The following ASIC2 variants were observed in gnomAD, a reference collection of about 807,000 sequenced individuals.
ASIC2 encodes the protein acid sensing ion channel subunit 2.
In ASIC2, 25 loss-of-function variants were observed where a neutral mutation model predicts 57.3. The observed-to-expected ratio is 0.44, with a 90% CI of 0.32 to 0.61. The LOEUF (loss-of-function observed/expected upper bound fraction) is 0.61. Among genes scored for constraint, ASIC2 ranks in the 20% least tolerant of loss-of-function variants. The probability of loss-of-function intolerance (pLI) is 0.06; values close to 1 mark genes in which losing one functional copy is unlikely to be tolerated. For missense variants in ASIC2, 641 were observed against 738.1 expected, an observed-to-expected ratio of 0.87 and a Z score of 1.52; for synonymous variants, 319 against 307.5, an observed-to-expected ratio of 1.04 and a Z score of -0.39.
intron 1 of ASIC2, among the ~76,000 whole-genome samples, chr17:33,120,300 C>G (rs1392141894): frequency 6.6e-6 from 1 of 152,206 alleles, no homozygotes; most frequent in African/African-American, 2.4e-5. Flanking sequence ...GGGGCCTTTT[C>G]TGCTGGGCAG....
rs759819577 is a variant in ASIC2 at position 33,291,606 on chromosome 17, A to T, written c.510T>A (p.Leu170=). The change falls in exon 1 of 10, where the codon CTT becomes CTA. Residue 170 remains leucine (L), a synonymous_variant. Coordinates refer to ENST00000225823, the MANE Select transcript of ASIC2 (RefSeq NM_183377.2). ...LLLPNRTARP[L]VSELLRGDEP... is the part of the protein sequence containing the mutation. Reference sequence around the variant, plus strand: ...CGTCGCCCCGCAGCAGCTCGCTGACAAGCGGGCGCGCGGTGCGGTTGGGCA... The same window carrying T: ...CGTCGCCCCGCAGCAGCTCGCTGACTAGCGGGCGCGCGGTGCGGTTGGGCA... 1.6e-5 allele frequency: 25 copies of T among 1,608,366 alleles called. No homozygotes were observed. In the Admixed American group the frequency reaches 4.2e-4, roughly 27 times the overall value.
intron 1 of ASIC2, among the ~76,000 whole-genome samples, chr17:33,184,100 C>T (rs186997408): frequency 1.3e-5 from 2 of 152,162 alleles, no homozygotes; most frequent in African/African-American, 2.4e-5. Flanking sequence ...AATTGAGCTA[C>T]ACAACCCAAC....
chr17:33,462,168 G>A (rs2141912439), intron 1 of ASIC2, among the ~76,000 whole-genome samples: 1 of 152,288 alleles, frequency 6.6e-6, no homozygotes, highest in East Asian at 1.9e-4. Flanking sequence ...TGACAATTGG[G>A]ATTAACTGCT....
chr17:33,932,976 A>C (rs1435975381), intron 1 of ASIC2, among the ~76,000 whole-genome samples: 1 of 152,016 alleles, frequency 6.6e-6, no homozygotes, highest in African/African-American at 2.4e-5. Flanking sequence ...TTCTCTGCTC[A>C]AAACTTTCTA....
intron 1 of ASIC2, chr17:34,037,764 T>C (rs1567796739): frequency 4.6e-5 from 75 of 1,614,036 alleles, no homozygotes; most frequent in Non-Finnish European, 6.3e-5. Context: ...CGGTCCTCCT[T>C]TCGGTAGGCC....
chr17:34,094,985 T>G (rs929669439), intron 1 of ASIC2, among the ~76,000 whole-genome samples: 1 of 152,206 alleles, frequency 6.6e-6, no homozygotes, highest in Non-Finnish European at 1.5e-5. Flanking sequence ...GAGGAAAGCA[T>G]ATCTGATTGT....
intron 1 of ASIC2, among the ~76,000 whole-genome samples, chr17:33,242,649 A>C (rs2142121255): frequency 6.6e-6 from 1 of 152,314 alleles, no homozygotes; most frequent in South Asian, 2.1e-4. Flanking sequence ...GACATTCATG[A>C]GAGTAATCCC....
intron 1 of ASIC2, among the ~76,000 whole-genome samples, chr17:33,725,012 G>A (rs1229381089): frequency 6.6e-6 from 1 of 152,252 alleles, no homozygotes; most frequent in Non-Finnish European, 1.5e-5. Flanking sequence ...GCCGAGATCT[G>A]AAAGGCAGGT....
At chr17:34,096,653 G>T (rs934106590) in intron 1 of ASIC2, among the ~76,000 whole-genome samples, 2 of 151,982 alleles carry the variant, frequency 1.3e-5, no homozygotes, top group African/African-American at 4.8e-5. Flanking sequence ...AGGAGATCAT[G>T]ACCATCCTGG....
chr17:34,130,236 A>C (rs928717793), intron 1 of ASIC2, among the ~76,000 whole-genome samples: 2 of 143,900 alleles, frequency 1.4e-5, no homozygotes, highest in East Asian at 4.4e-4. Flanking sequence ...CCATGACTTC[A>C]CCCAGCAAAG....
chr17:33,102,759 T>G (rs757667994), intron 2 of ASIC2, among the ~76,000 whole-genome samples: 1 of 152,208 alleles, frequency 6.6e-6, no homozygotes, highest in Non-Finnish European at 1.5e-5. Flanking sequence ...AATCACATTT[T>G]AAATTTATTT....
chr17:33,041,109 C>T (rs2091928324), intron 3 of ASIC2, among the ~76,000 whole-genome samples: 1 of 152,160 alleles, frequency 6.6e-6, no homozygotes, highest in Non-Finnish European at 1.5e-5. Flanking sequence ...CCTGTTCTCT[C>T]CCTCCTCCTC....
intron 3 of ASIC2, among the ~76,000 whole-genome samples, chr17:33,076,050 T>C (rs570854069): frequency 5.9e-5 from 9 of 152,356 alleles, no homozygotes; most frequent in Admixed American, 3.9e-4. Flanking sequence ...CCTACATGGA[T>C]GGAAGAATAG....
At chr17:33,698,844 G>A (rs1908609783) in intron 1 of ASIC2, among the ~76,000 whole-genome samples, 1 of 152,128 alleles carries the variant, frequency 6.6e-6, no homozygotes, top group Admixed American at 6.5e-5. Context: ...CATTTCCTGG[G>A]AGCATGGATA....
chr17:33,215,038 C>T (rs1190663820), intron 1 of ASIC2, among the ~76,000 whole-genome samples: 1 of 152,136 alleles, frequency 6.6e-6, no homozygotes, highest in Non-Finnish European at 1.5e-5. Flanking sequence ...AAGACGAAGC[C>T]CTGTCACAAT....
intron 1 of ASIC2, among the ~76,000 whole-genome samples, chr17:33,703,373 G>T (rs1345806599): frequency 6.6e-6 from 1 of 151,072 alleles, no homozygotes; most frequent in Admixed American, 6.6e-5. Flanking sequence ...GTTGAGACAA[G>T]GTCTGGCTCT....
rs1244963156 is a variant in ASIC2 at position 33,832,535 on chromosome 17, T to C, written c.555+323443A>G. Among the ~76,000 whole-genome samples, 4 of 152,138 alleles carry C rather than the reference T, an allele frequency of 2.6e-5. No homozygotes were observed. The East Asian group carries it at 7.7e-4, about 29-fold the overall frequency. ...TGAGATAGAGACTACAAATCAAAGG[T>C]TGAAGGCTATCAAGTTGCCCTTTAT... On this transcript the variant is annotated intron_variant, in intron 1 of 9. Transcript: ENST00000359872.
chr17:33,735,509 G>T (rs1909882899), intron 1 of ASIC2, among the ~76,000 whole-genome samples: 1 of 152,172 alleles, frequency 6.6e-6, no homozygotes, highest in Non-Finnish European at 1.5e-5. Flanking sequence ...TATGTTAGAG[G>T]TAGAGAAATG....
At chr17:33,636,484 A>T (rs565164990) in intron 1 of ASIC2, among the ~76,000 whole-genome samples, 1 of 152,054 alleles carries the variant, frequency 6.6e-6, no homozygotes. Context: ...AGCTAACAGG[A>T]CCCGCCCTGG....
Sources: allele counts gnomAD v4.1 joint callset (sites outside exome capture counted in the v4.1 genomes callset), GRCh38; gene constraint gnomAD v4.1.1; transcripts MANE v1.5; gene names NCBI Gene and HGNC (gene_info 2026-07-23, HGNC 2026-07-21).